Variants in CNTNAP4 observed in about 807,000 individuals in gnomAD.
CNTNAP4 encodes contactin associated protein family member 4.
A neutral mutation model predicts 148.4 loss-of-function variants in CNTNAP4; 98 were observed. The observed-to-expected ratio is 0.66, with a 90% CI of 0.56 to 0.78. The LOEUF is 0.78. Ranked by LOEUF, CNTNAP4 falls within the 30% of genes least tolerant of loss-of-function variation. The probability of loss-of-function intolerance (pLI) is 0.00; values close to 1 mark genes in which losing one functional copy is unlikely to be tolerated. For synonymous variants in CNTNAP4, 730 were observed against 565.1 expected (o/e 1.29, Z -4.14); for missense variants, 1,935 against 1,565.6 (o/e 1.24, Z -3.98).
chr16:76,494,853 G>T, intron 13 of CNTNAP4, 57 bp from the exon 14 acceptor site: 2 of 1,500,420 alleles, frequency 1.3e-6, no homozygotes, highest in Non-Finnish European at 1.8e-6. Context: ...AATTATATTG[G>T]GAGAGAAGGT....
intron 3 of CNTNAP4, among the ~76,000 whole-genome samples, chr16:76,422,715 A>G (rs1359399957): frequency 6.6e-6 from 1 of 151,686 alleles, no homozygotes; most frequent in Non-Finnish European, 1.5e-5. Context: ...TATAATTTTC[A>G]TTTTCCTCAG....
At chr16:76,439,046 C>T (rs1237479042) in intron 4 of CNTNAP4, among the ~76,000 whole-genome samples, 2 of 152,004 alleles carry the variant, frequency 1.3e-5, no homozygotes, top group Admixed American at 6.6e-5. Context: ...TACATATTTA[C>T]ATTATAATGT....
chr16:76,417,099 T>C (rs1009508656), intron 3 of CNTNAP4, among the ~76,000 whole-genome samples: 1 of 151,478 alleles, frequency 6.6e-6, no homozygotes, highest in African/African-American at 2.4e-5. Flanking sequence ...TGTACGTTAG[T>C]CTATATTTAA....
In CNTNAP4 at chr16:76,277,677, G is replaced by A. The variant is rs766695448; in HGVS notation, c.15G>A (p.Thr5=). The A allele has an allele frequency of 3.7e-6, 6 of 1,604,380 alleles. No individual in the cohort carries two copies. In the African/African-American group the frequency reaches 5.3e-5, roughly 14 times the overall value. Residue 5 remains threonine, a synonymous_variant, in exon 1 of 24, where the codon ACG becomes ACA. Transcript: ENST00000611870. MGSV[T]GAVLKTLLLL... Reference sequence around the variant, plus strand: ...TAAATGTGAACATGGGATCTGTCACGGGAGCTGTCCTCAAGACGCTACTTC... The same window carrying A: ...TAAATGTGAACATGGGATCTGTCACAGGAGCTGTCCTCAAGACGCTACTTC...
intron 4 of CNTNAP4, among the ~76,000 whole-genome samples, chr16:76,433,289 C>G (rs1284308215): frequency 6.6e-6 from 1 of 152,072 alleles, no homozygotes; most frequent in East Asian, 1.9e-4. Context: ...GTTAGCCTAC[C>G]AGGAGAACTG....
At chr16:76,440,070 CAAAT>C (rs1568176262) in intron 4 of CNTNAP4, among the ~76,000 whole-genome samples, 2 of 152,108 alleles carry the variant, frequency 1.3e-5, no homozygotes, top group African/African-American at 4.8e-5. Context: ...CAATAACTTT[CAAAT>C]AAATAAACAG....
chr16:76,458,147 A>G (rs1271115061), intron 8 of CNTNAP4, among the ~76,000 whole-genome samples: 1 of 152,162 alleles, frequency 6.6e-6, no homozygotes, highest in Non-Finnish European at 1.5e-5. Flanking sequence ...TTATCGCTAC[A>G]TAATATTCTG....
At chr16:76,379,141 G>C (rs909402801) in intron 3 of CNTNAP4, among the ~76,000 whole-genome samples, 1 of 152,086 alleles carries the variant, frequency 6.6e-6, no homozygotes, top group Admixed American at 6.5e-5. Flanking sequence ...GGTGTCATAG[G>C]GTCTAACTGA....
chr16:76,356,629 GCAAT>G (rs149364136), intron 3 of CNTNAP4, among the ~76,000 whole-genome samples: 2,290 of 152,278 alleles, frequency 0.015, 68 homozygotes, highest in African/African-American at 0.053. Context: ...ACAATGTACT[GCAAT>G]CAAAGAACTA....
intron 21 of CNTNAP4, among the ~76,000 whole-genome samples, chr16:76,552,755 A>T (rs9938136): frequency 0.35 from 53,104 of 151,906 alleles, 10,146 homozygotes; most frequent in East Asian, 0.55. Flanking sequence ...TCCTCCTGTT[A>T]TGTTTGGGTG....
At chr16:76,288,475 C>G (rs1958979696) in intron 1 of CNTNAP4, among the ~76,000 whole-genome samples, 1 of 152,122 alleles carries the variant, frequency 6.6e-6, no homozygotes, top group Non-Finnish European at 1.5e-5. Context: ...AAATACTTCA[C>G]TCTAAAACCT....
intron 21 of CNTNAP4, among the ~76,000 whole-genome samples, chr16:76,549,318 T>A (rs1057181747): frequency 6.6e-5 from 10 of 152,150 alleles, no homozygotes; most frequent in Non-Finnish European, 1.2e-4. Context: ...GGCCATGCCC[T>A]CTCTGTCCCA....
chr16:76,441,091 T>C (rs1205720946), intron 4 of CNTNAP4, among the ~76,000 whole-genome samples: 1 of 152,146 alleles, frequency 6.6e-6, no homozygotes, highest in East Asian at 1.9e-4. Flanking sequence ...CTCCCTCTCC[T>C]GCATGTCTTA....
Position 76,522,109 on chromosome 16 carries a change from C to G in CNTNAP4, c.2607C>G (p.Thr869=). 1 of 1,613,916 alleles carries G rather than the reference C, an allele frequency of 6.2e-7. No homozygotes were observed. The highest frequency in any genetic ancestry group is 1.3e-5 in the African/African-American group (1 of 75,002). ...GPFEISVQSP[T]HFNDNQWHHV... ...TTGAAATCTCAGTGCAGTCACCCAC[C>G]CACTTCAACGACAACCAGTGGCACC... The change falls in exon 17 of 24, where the codon ACC becomes ACG. Residue 869 remains threonine, a synonymous_variant. Transcript: ENST00000611870.
intron 21 of CNTNAP4, among the ~76,000 whole-genome samples, chr16:76,552,471 G>A (rs2084994967): frequency 1.3e-5 from 2 of 152,304 alleles, no homozygotes; most frequent in South Asian, 2.1e-4. Context: ...CAAGGAGTAT[G>A]TATAATATAT....
intron 21 of CNTNAP4, among the ~76,000 whole-genome samples, chr16:76,550,724 A>G (rs1451765133): frequency 6.6e-6 from 1 of 151,702 alleles, no homozygotes; most frequent in Non-Finnish European, 1.5e-5. Flanking sequence ...TCATGTATAT[A>G]TGTTTAAATC....
chr16:76,537,244 TATAG>T (rs1251703729), intron 18 of CNTNAP4, among the ~76,000 whole-genome samples: 1 of 152,152 alleles, frequency 6.6e-6, no homozygotes, highest in East Asian at 1.9e-4. Flanking sequence ...AAATGCGTGT[TATAG>T]ATAATAAAAT....
intron 1 of CNTNAP4, chr16:76,287,663 G>A (rs7189785): frequency 0.16 from 24,218 of 152,090 alleles, 3,906 homozygotes; most frequent in African/African-American, 0.41. Flanking sequence ...GACATCTGTC[G>A]TGTTAGCGAT....
chr16:76,434,246 C>G (rs981697832), intron 4 of CNTNAP4, among the ~76,000 whole-genome samples: 4 of 151,888 alleles, frequency 2.6e-5, no homozygotes, highest in Admixed American at 1.3e-4. Flanking sequence ...TTATTAAGGT[C>G]TCTCCAAATA....
Sources: gnomAD v4.1 joint callset for allele counts (sites outside exome capture counted in the v4.1 genomes callset) on GRCh38, gnomAD v4.1.1 for gene constraint, MANE v1.5 for transcripts, NCBI Gene and HGNC (gene_info 2026-07-23, HGNC 2026-07-21) for gene names.